MECOM: variants seen among roughly 807,000 people sequenced by gnomAD.
The protein encoded by MECOM is histone-lysine N-methyltransferase MECOM.
Under a neutral mutation model 116.3 loss-of-function variants are expected in MECOM, and 13 were observed. The observed-to-expected ratio is 0.11, with a 90% confidence interval of 0.07 to 0.18. The LOEUF (loss-of-function observed/expected upper bound fraction) is 0.18, where lower values mean the gene tolerates loss of function less well. MECOM is among the 10% of genes least tolerant of loss of function. MECOM has a pLI of 1.00. For missense variants in MECOM, 1,299 were observed against 1,509.0 expected, an observed-to-expected ratio of 0.86 and a Z score of 2.31; for synonymous variants, 528 against 535.2, an observed-to-expected ratio of 0.99 and a Z score of 0.19.
At chr3:169,100,782 T>G (rs1365408716) in intron 12 of MECOM, 103 bp downstream of exon 12, 1 of 630,014 alleles carries the variant, frequency 1.6e-6, no homozygotes, top group Non-Finnish European at 2.2e-6. Flanking sequence ...CGCATAAAAT[T>G]TAAACTTTAA....
At position 169,084,161 on chromosome 3, in the gene MECOM, A is replaced by G. The variant is rs1317598832; in HGVS notation, c.*748T>C. On this transcript the variant is annotated 3_prime_UTR_variant, in exon 17 of 17. Coordinates refer to ENST00000651503, the MANE Select transcript of MECOM (RefSeq NM_004991.4). ...ACACAAAAAAATAAACATTAAAAACAGTGACATGATTGTCTAAAATTAAGA... is the reference window on the plus strand; with the variant it reads ...ACACAAAAAAATAAACATTAAAAACGGTGACATGATTGTCTAAAATTAAGA... 4.3e-6 allele frequency: 1 copy of G among 232,050 alleles called. No homozygotes were observed. Among genetic ancestry groups the G allele is most frequent in the African/African-American group, 2.2e-5 (1 of 45,322 alleles). The allele number at this position is 232,050 out of a possible 1,614,324, so 14.4% of individuals were successfully genotyped here.
At chr3:169,506,141 G>A (rs908377067) in intron 1 of MECOM, among the ~76,000 whole-genome samples, 6 of 152,170 alleles carry the variant, frequency 3.9e-5, no homozygotes, top group South Asian at 2.1e-4. Context: ...AGAACAGCTC[G>A]TTGCAGGCCG....
chr3:169,439,531 C>T (rs1240517598), intron 1 of MECOM, among the ~76,000 whole-genome samples: 1 of 151,838 alleles, frequency 6.6e-6, no homozygotes, highest in Non-Finnish European at 1.5e-5. Context: ...AAATCAAATG[C>T]AAATTAAGGC....
intron 2 of MECOM, among the ~76,000 whole-genome samples, chr3:169,259,420 T>C (rs1757262056): frequency 6.6e-6 from 1 of 152,186 alleles, no homozygotes; most frequent in Non-Finnish European, 1.5e-5. Context: ...GATCATACTT[T>C]ATTTCTTCTG....
intron 1 of MECOM, among the ~76,000 whole-genome samples, chr3:169,409,923 T>C (rs747788549): frequency 1.3e-5 from 2 of 152,208 alleles, no homozygotes; most frequent in Non-Finnish European, 2.9e-5. Flanking sequence ...TGCTTAAACT[T>C]GTTTCTCTTT....
chr3:169,631,460 T>C (rs112075187), intron 1 of MECOM, among the ~76,000 whole-genome samples: 163 of 152,246 alleles, frequency 1.1e-3, no homozygotes, highest in African/African-American at 3.8e-3. Flanking sequence ...TTTTTTTTAT[T>C]TTACTTTATT....
chr3:169,546,611 A>G (rs1479514652), intron 1 of MECOM, among the ~76,000 whole-genome samples: 1 of 152,226 alleles, frequency 6.6e-6, no homozygotes, highest in African/African-American at 2.4e-5. Flanking sequence ...TTCAAGATGC[A>G]GCTCTCCTGG....
chr3:169,214,835 A>G (rs998775993), intron 2 of MECOM, among the ~76,000 whole-genome samples: 1 of 148,168 alleles, frequency 6.7e-6, no homozygotes, highest in African/African-American at 2.4e-5. Context: ...TATCTATTTT[A>G]TATATATAAT....
At chr3:169,119,776 A>G (rs1196766646) in intron 7 of MECOM, among the ~76,000 whole-genome samples, 1 of 152,186 alleles carries the variant, frequency 6.6e-6, no homozygotes, top group East Asian at 1.9e-4. Flanking sequence ...CAAGAAGTCT[A>G]AAATTTCTAT....
chr3:169,112,636 GT>G (rs1279911551), intron 9 of MECOM, 150 bp downstream of exon 9: 1 of 639,456 alleles, frequency 1.6e-6, no homozygotes, highest in African/African-American at 1.8e-5. Context: ...AAGAGTTTGG[GT>G]TTTAATTCTG....
rs1240971487 is a variant in MECOM, at chr3:169,378,430, AAAGAAAGAAAGAAAGAAAGAAGGAAAGC to A, written c.375+2729_375+2756del. Among the ~76,000 whole-genome samples the A allele has an allele frequency of 2.7e-4, 21 of 78,974 alleles. 1 individual carries two copies. The highest frequency in any genetic ancestry group is 1.8e-3 in the African/African-American group (21 of 11,748). 51.8% of individuals were successfully genotyped at this position (78,974 alleles called of 152,430 possible). On this transcript the variant is annotated intron_variant, in intron 2 of 16. Transcript: ENST00000651503. ...GAAAGAAAGAAAGAAAGAAAGAAAG[AAAGAAAGAAAGAAAGAAAGAAGGAAAGC>A]AAGCAAGCAAGCAAGCAAGAAAGAG...
chr3:169,514,197 T>TA (rs1417363218), intron 1 of MECOM, among the ~76,000 whole-genome samples: 1 of 152,136 alleles, frequency 6.6e-6, no homozygotes, highest in African/African-American at 2.4e-5. Context: ...GAATTCCTAA[T>TA]ATGCTTACAA....
intron 1 of MECOM, among the ~76,000 whole-genome samples, chr3:169,527,532 C>A (rs890126520): frequency 6.6e-6 from 1 of 152,124 alleles, no homozygotes; most frequent in Non-Finnish European, 1.5e-5. Context: ...CATAATTAAA[C>A]ATTTTCTTTT....
intron 1 of MECOM, among the ~76,000 whole-genome samples, chr3:169,591,485 T>C (rs1300668110): frequency 6.6e-6 from 1 of 152,144 alleles, no homozygotes; most frequent in Non-Finnish European, 1.5e-5. Flanking sequence ...GTTTAGCAAA[T>C]GATACTTAGG....
At chr3:169,170,559 T>A (rs901260142) in intron 2 of MECOM, among the ~76,000 whole-genome samples, 2 of 152,162 alleles carry the variant, frequency 1.3e-5, no homozygotes, top group East Asian at 3.9e-4. Flanking sequence ...GCTGAATATG[T>A]GTACTTGGCC....
intron 1 of MECOM, among the ~76,000 whole-genome samples, chr3:169,438,362 G>A (rs1428436704): frequency 6.6e-6 from 1 of 152,132 alleles, no homozygotes; most frequent in Non-Finnish European, 1.5e-5. Context: ...TGAGACAATG[G>A]TTCAAGAGTC....
At chr3:169,375,205 C>A (rs187701901) in intron 2 of MECOM, among the ~76,000 whole-genome samples, 14 of 152,114 alleles carry the variant, frequency 9.2e-5, no homozygotes, top group Non-Finnish European at 1.5e-4. Context: ...ACACTAAATG[C>A]CCGCAGAAGA....
chr3:169,645,242 C>T (rs139833129), intron 1 of MECOM, among the ~76,000 whole-genome samples: 19 of 152,272 alleles, frequency 1.2e-4, no homozygotes, highest in Middle Eastern at 3.4e-3. Flanking sequence ...AAATATAGCC[C>T]GATCCCACCC....
At chr3:169,234,649 T>C (rs1033078132) in intron 2 of MECOM, among the ~76,000 whole-genome samples, 2 of 152,214 alleles carry the variant, frequency 1.3e-5, no homozygotes, top group Middle Eastern at 6.3e-3. Context: ...TTATTTGCTA[T>C]TGTGTAAGTT....
Sources: allele counts gnomAD v4.1 joint callset (sites outside exome capture counted in the v4.1 genomes callset), GRCh38; gene constraint gnomAD v4.1.1; transcripts MANE v1.5; gene names NCBI Gene and HGNC (gene_info 2026-07-23, HGNC 2026-07-21).